RUNX3: variants seen among roughly 807,000 people sequenced by gnomAD.
The protein encoded by RUNX3 is runt-related transcription factor 3.
Under a neutral mutation model 27.7 loss-of-function variants are expected in RUNX3, and 10 were observed. The ratio of observed to expected loss-of-function variants is 0.36; its 90% confidence interval spans 0.22 to 0.61. RUNX3 has a LOEUF of 0.61. Ranked by LOEUF, RUNX3 falls within the 20% of genes least tolerant of loss-of-function variation. The pLI is 0.72. For synonymous variants in RUNX3, 270 were observed against 269.2 expected (o/e 1.00, Z -0.03); for missense variants, 469 against 629.5 (o/e 0.75, Z 2.73).
rs549277763 is a variant in RUNX3 at position 24,938,096 on chromosome 1, G to T, written c.59-8244C>A. ...TTGATGAAAGTTGGGGCTGAACAGA[G>T]CCCATAGATTGCCATGTCCTATAAC... On this transcript the variant is annotated intron_variant, in intron 2 of 6. Transcript: ENST00000338888. 2.5e-4 allele frequency among the ~76,000 whole-genome samples: 38 copies of T among 152,344 alleles called. No individual in the cohort carries two copies. The South Asian group carries it at 7.5e-3, about 30-fold the overall frequency.
In RUNX3 at chr1:24,923,690, G is replaced by A. The variant is rs533886108; in HGVS notation, c.439+3884C>T. Among the ~76,000 whole-genome samples, 3 of 152,092 alleles carry A rather than the reference G, an allele frequency of 2.0e-5. No individual in the cohort carries two copies. Among genetic ancestry groups the A allele is most frequent in the Non-Finnish European group, 2.9e-5 (2 of 67,998 alleles). On this transcript the variant is annotated intron_variant, in intron 2 of 4. Transcript: ENST00000308873. This position sits in a 1 kb window ranked among gnomAD's most constrained non-coding sequence, Gnocchi z 5.9. ...CCCCACCCACAGGAGCTGCATGGGT[G>A]GGGGGAGGGGACGTGTCTCAGTCTC...
rs1029964428 is a variant in RUNX3 at position 24,916,437 on chromosome 1, CA to C, written c.544+2802del. Among the ~76,000 whole-genome samples, 5 of 152,206 alleles carry C rather than the reference CA, an allele frequency of 3.3e-5. No individual in the cohort carries two copies. Among genetic ancestry groups the C allele is most frequent in the African/African-American group, 1.2e-4 (5 of 41,458 alleles). ...AGGGTGTGCTGACAGTCACCTTGGG[CA>C]AAAGGTTTTGCGCCCTGGCCTCTAT... is the stretch of plus-strand genomic sequence containing the variant. On this transcript the variant is annotated intron_variant, in intron 3 of 4. Coordinates refer to ENST00000308873, the MANE Select transcript of RUNX3 (RefSeq NM_004350.3). The surrounding 1 kb of genome is among the most constrained non-coding windows in gnomAD (Gnocchi z 4.8).
intron 2 of RUNX3, among the ~76,000 whole-genome samples, chr1:24,920,867 G>C (rs528682909): frequency 3.3e-5 from 5 of 152,260 alleles, no homozygotes; most frequent in Non-Finnish European, 7.4e-5. Context: ...GGAGTTTGGG[G>C]GTCTGGGTAA....
intron 3 of RUNX3, among the ~76,000 whole-genome samples, chr1:24,908,507 A>G (rs1033576297): frequency 6.6e-6 from 1 of 152,068 alleles, no homozygotes; most frequent in African/African-American, 2.4e-5. Context: ...AAAAAAGAAA[A>G]AAGAAAAACT....
chr1:24,901,932 C>A lies in RUNX3; in HGVS notation c.*190G>T, dbSNP rs1640560699. On this transcript the variant is annotated 3_prime_UTR_variant, in exon 5 of 5. Coordinates refer to ENST00000308873, the MANE Select transcript of RUNX3 (RefSeq NM_004350.3). ...TCCCGGGCCGGGGTGGGGGTGGTAA[C>A]CTATGCCTCTGTACAAGGATGTGGC... 1 of 572,678 alleles carries A rather than the reference C, an allele frequency of 1.7e-6. No individual in the cohort carries two copies. The highest frequency in any genetic ancestry group is 1.9e-5 in the African/African-American group (1 of 53,092). The allele number at this position is 572,678 out of a possible 1,614,324, so 35.5% of individuals were successfully genotyped here. A position where few individuals can be genotyped will look rare whatever the true frequency, so the allele number is the denominator to read the frequency against.
At chr1:24,952,810 T>A (rs763305906) in intron 2 of RUNX3, among the ~76,000 whole-genome samples, 4 of 152,204 alleles carry the variant, frequency 2.6e-5, no homozygotes, top group Non-Finnish European at 4.4e-5. Context: ...AGCCAGTAAG[T>A]GGCAGATCCG....
upstream of RUNX3, among the ~76,000 whole-genome samples, chr1:24,934,283 C>T (rs554156349): frequency 6.6e-6 from 1 of 152,306 alleles, no homozygotes; most frequent in South Asian, 2.1e-4. Flanking sequence ...CCAGAGAGTC[C>T]AGCTCTGGGG....
At chr1:24,942,828 G>C (rs544099142) in intron 2 of RUNX3, among the ~76,000 whole-genome samples, 1 of 152,348 alleles carries the variant, frequency 6.6e-6, no homozygotes, top group African/African-American at 2.4e-5. Context: ...GCCAGGACCT[G>C]ACCCGGGCTC....
intron 2 of RUNX3, among the ~76,000 whole-genome samples, chr1:24,958,736 C>T (rs1642016430): frequency 6.6e-6 from 1 of 152,142 alleles, no homozygotes; most frequent in African/African-American, 2.4e-5. Context: ...GAACTACTCG[C>T]TGAGTCTCAG....
At chr1:24,941,681 G>A (rs369533820) in intron 2 of RUNX3, among the ~76,000 whole-genome samples, 234 of 152,290 alleles carry the variant, frequency 1.5e-3, no homozygotes, top group African/African-American at 5.3e-3. Flanking sequence ...CGGATCCCAA[G>A]GGACCAGAGG....
intron 2 of RUNX3, among the ~76,000 whole-genome samples, chr1:24,922,978 C>A (rs778510571): frequency 6.6e-6 from 1 of 152,106 alleles, no homozygotes; most frequent in Non-Finnish European, 1.5e-5. Flanking sequence ...TTGTCTTGTT[C>A]ATGCAGTGTC....
chr1:24,929,803 G>A lies in RUNX3; in HGVS notation c.66C>T (p.Cys22=), dbSNP rs1279167847. Residue 22 remains cysteine (C), a synonymous_variant, in exon 1 of 5, where the codon TGC becomes TGT. Coordinates refer to ENST00000308873, the MANE Select transcript of RUNX3 (RefSeq NM_004350.3). ...RFTPPSPAFP[C]GGGGGKMGEN... is the part of the protein sequence containing the mutation. ...CGCCCATCTTGCCGCCGCCGCCGCC[G>A]CAGGGGAAGGCCGGGGAGGGAGGTG... 3.5e-6 allele frequency: 5 copies of A among 1,421,516 alleles called. No homozygotes were observed. In the African/African-American group the frequency reaches 4.5e-5, roughly 13 times the overall value. 88.1% of individuals were successfully genotyped at this position (1,421,516 alleles called of 1,614,324 possible).
chr1:24,961,547 C>G (rs900355211), intron 2 of RUNX3: 1 of 152,392 alleles, frequency 6.6e-6, no homozygotes, highest in African/African-American at 2.4e-5. Flanking sequence ...CACAGTCTCA[C>G]AGCACACAGG....
chr1:24,929,537 C>T, intron 1 of RUNX3, 50 bp downstream of exon 1: 1 of 1,524,584 alleles, frequency 6.6e-7, no homozygotes, highest in Non-Finnish European at 8.9e-7. Flanking sequence ...GCAGCTCAGA[C>T]GCCCGGAGCC....
chr1:24,928,824 G>C (rs1483912057), intron 1 of RUNX3: 2 of 345,126 alleles, frequency 5.8e-6, no homozygotes, highest in East Asian at 8.3e-5. Context: ...CAGCCACCTC[G>C]GGCAGCACCA....
chr1:24,941,840 G>A (rs552718908), intron 2 of RUNX3, among the ~76,000 whole-genome samples: 129 of 152,340 alleles, frequency 8.5e-4, no homozygotes, highest in African/African-American at 3.0e-3. Flanking sequence ...ACAGCCAAAC[G>A]GAGCTAGAGC....
chr1:24,936,232 T>C (rs1316726533), intron 2 of RUNX3, among the ~76,000 whole-genome samples: 1 of 152,200 alleles, frequency 6.6e-6, no homozygotes, highest in Non-Finnish European at 1.5e-5. Flanking sequence ...CATTTTTGCT[T>C]CACAGTATTC....
intron 3 of RUNX3, among the ~76,000 whole-genome samples, chr1:24,912,617 G>C (rs1046788605): frequency 5.3e-5 from 8 of 151,894 alleles, no homozygotes; most frequent in African/African-American, 1.9e-4. Context: ...CTTCCTCCAC[G>C]GCAGCGTCTA....
In RUNX3 at chr1:24,929,939, C is replaced by T. The variant is rs1441867146; in HGVS notation, c.-71G>A. The T allele has an allele frequency of 3.3e-5, 40 of 1,218,610 alleles. No homozygotes were observed. The highest frequency in any genetic ancestry group is 3.9e-5 in the Non-Finnish European group (38 of 981,084). 75.5% of individuals were successfully genotyped at this position (1,218,610 alleles called of 1,614,324 possible). A position where few individuals can be genotyped will look rare whatever the true frequency, so the allele number is the denominator to read the frequency against. ...CCCCCGGGGGCGGCCGGCGCGGGCG[C>T]CTCCTCGGCCGCCGCTGCCGCGAGA... On this transcript the variant is annotated 5_prime_UTR_variant, in exon 1 of 5. Transcript: ENST00000308873.
Sources: gnomAD v4.1 joint callset for allele counts (sites outside exome capture counted in the v4.1 genomes callset) on GRCh38, gnomAD v4.1.1 for gene constraint, Gnocchi (gnomAD v3.1) non-coding constraint, MANE v1.5 for transcripts, NCBI Gene and HGNC (gene_info 2026-07-23, HGNC 2026-07-21) for gene names.